Variants in PPP1R9A observed in about 807,000 individuals in gnomAD.
PPP1R9A encodes neurabin-1.
A neutral mutation model predicts 141.9 loss-of-function variants in PPP1R9A; 59 were observed. That is an observed-to-expected ratio of 0.42 (90% confidence interval 0.34 to 0.52). The LOEUF (loss-of-function observed/expected upper bound fraction) is 0.52, where lower values mean the gene tolerates loss of function less well. Ranked by LOEUF, PPP1R9A falls within the 20% of genes least tolerant of loss-of-function variation. The probability of loss-of-function intolerance (pLI) is 0.10; values close to 1 mark genes in which losing one functional copy is unlikely to be tolerated. For synonymous variants in PPP1R9A, 500 were observed against 569.7 expected (o/e 0.88, Z 1.74); for missense variants, 1,444 against 1,611.9 (o/e 0.90, Z 1.78).
intron 2 of PPP1R9A, among the ~76,000 whole-genome samples, chr7:94,942,155 A>G (rs953923417): frequency 1.3e-5 from 2 of 152,174 alleles, no homozygotes; most frequent in Admixed American, 1.3e-4. Flanking sequence ...TCTCAGTCAG[A>G]ATATATTTCT....
chr7:95,091,421 G>A lies in PPP1R9A; in HGVS notation c.1396-19838G>A, dbSNP rs138643873. Among the ~76,000 whole-genome samples the A allele has an allele frequency of 4.7e-3, 592 of 125,410 alleles. 21 individuals carry two copies. Among genetic ancestry groups the A allele is most frequent in the East Asian group, 0.047 (187 of 3,962 alleles). The allele number at this position is 125,410 out of a possible 152,430, so 82.3% of individuals were successfully genotyped here. On this transcript the variant is annotated intron_variant, in intron 2 of 19. Coordinates refer to ENST00000433360, the MANE Select transcript of PPP1R9A (RefSeq NM_001166160.2). The stretch of plus-strand genomic sequence containing the variant: ...TGCAGTGGCACAATCTCACCTCACC[G>A]CAACCTCTGCCTACAGAGTTCAAGT...
chr7:95,006,927 A>C (rs1803695091), intron 2 of PPP1R9A, among the ~76,000 whole-genome samples: 1 of 151,054 alleles, frequency 6.6e-6, no homozygotes, highest in Non-Finnish European at 1.5e-5. Flanking sequence ...CAATGCTGCG[A>C]TCTTGGCTCA....
chr7:95,051,046 A>G (rs1423541172), intron 2 of PPP1R9A, among the ~76,000 whole-genome samples: 3 of 151,596 alleles, frequency 2.0e-5, no homozygotes, highest in Non-Finnish European at 4.4e-5. Context: ...AGTTATCTAG[A>G]TTTTCTCCTA....
chr7:94,967,279 A>AT (rs557099816), intron 2 of PPP1R9A, among the ~76,000 whole-genome samples: 86 of 150,522 alleles, frequency 5.7e-4, no homozygotes, highest in African/African-American at 8.1e-4. Flanking sequence ...GGATTCATTG[A>AT]TTTTTTTTTG....
intron 2 of PPP1R9A, among the ~76,000 whole-genome samples, chr7:95,078,707 G>T (rs1049511657): frequency 6.6e-6 from 1 of 151,892 alleles, no homozygotes; most frequent in Non-Finnish European, 1.5e-5. Flanking sequence ...TTGTGGTTTT[G>T]ATTTGCATTT....
rs571390564 is a variant in PPP1R9A at position 95,198,284 on chromosome 7, A to C, written c.1755-65A>C. ...GACCCTGCTGAGATCAAACCTGTTT[A>C]CTTTTCTTAAAACTCCTTTTTGTTG... On this transcript the variant is annotated intron_variant, in intron 5 of 19. Coordinates refer to ENST00000433360, the MANE Select transcript of PPP1R9A (RefSeq NM_001166160.2). 2.3e-5 allele frequency: 34 copies of C among 1,460,114 alleles called. No homozygotes were observed. The African/African-American group carries it at 4.4e-4, about 19-fold the overall frequency. The allele number at this position is 1,460,114 out of a possible 1,614,324, so 90.4% of individuals were successfully genotyped here. A position where few individuals can be genotyped will look rare whatever the true frequency, so the allele number is the denominator to read the frequency against.
chr7:95,052,138 C>A (rs1810908220), intron 2 of PPP1R9A, among the ~76,000 whole-genome samples: 1 of 152,086 alleles, frequency 6.6e-6, no homozygotes, highest in Non-Finnish European at 1.5e-5. Flanking sequence ...CTGTGCCTGG[C>A]CCAGATGAAT....
chr7:95,176,011 CTCA>C (rs1832847683), intron 5 of PPP1R9A, among the ~76,000 whole-genome samples: 2 of 152,012 alleles, frequency 1.3e-5, no homozygotes, highest in African/African-American at 4.8e-5. Flanking sequence ...TGTGTAGGCT[CTCA>C]TCATGAATTT....
At chr7:95,180,313 T>A (rs1002566169) in intron 5 of PPP1R9A, among the ~76,000 whole-genome samples, 2 of 152,066 alleles carry the variant, frequency 1.3e-5, no homozygotes, top group African/African-American at 4.8e-5. Flanking sequence ...GGGATACAGA[T>A]TGGCTAGCTA....
intron 4 of PPP1R9A, among the ~76,000 whole-genome samples, chr7:95,137,232 C>A (rs1229581999): frequency 7.3e-6 from 1 of 136,286 alleles, no homozygotes; most frequent in African/African-American, 2.7e-5. Flanking sequence ...TATCCCTCCC[C>A]CCTCCCCCAA....
intron 2 of PPP1R9A, among the ~76,000 whole-genome samples, chr7:95,054,244 T>A (rs1811204469): frequency 1.3e-5 from 2 of 151,250 alleles, no homozygotes; most frequent in South Asian, 4.2e-4. Context: ...GCCTCCCGAG[T>A]AGCTGAGATT....
intron 2 of PPP1R9A, among the ~76,000 whole-genome samples, chr7:95,032,048 G>A (rs1420762586): frequency 1.3e-5 from 2 of 152,128 alleles, no homozygotes; most frequent in Non-Finnish European, 2.9e-5. Flanking sequence ...CAACCATTAT[G>A]ATATATAGCC....
intron 4 of PPP1R9A, among the ~76,000 whole-genome samples, chr7:95,127,024 G>A (rs1235284351): frequency 6.6e-6 from 1 of 151,680 alleles, no homozygotes; most frequent in East Asian, 1.9e-4. Flanking sequence ...CTCATTTTTA[G>A]TTTCTTGAAC....
chr7:95,215,239 G>A (rs1019945374), intron 7 of PPP1R9A, among the ~76,000 whole-genome samples: 22 of 150,032 alleles, frequency 1.5e-4, no homozygotes, highest in African/African-American at 5.4e-4. Flanking sequence ...TTTTGTTCTT[G>A]CAACAGTTTA....
rs1491252086 is a variant in PPP1R9A, at chr7:94,909,707, T to TA, written c.-216-191_-216-190insA. Among the ~76,000 whole-genome samples, 3 of 92,828 alleles carry TA rather than the reference T, an allele frequency of 3.2e-5. No individual in the cohort carries two copies. In the African/African-American group the frequency reaches 3.5e-4, roughly 11 times the overall value. 60.9% of individuals were successfully genotyped at this position (92,828 alleles called of 152,430 possible). On this transcript the variant is annotated intron_variant, in intron 1 of 19. Transcript: ENST00000433360. ...GGTATCTCCAAATTGTGTTTGGAAC[T>TA]TTTTTTTTTTTTTTTTTACCAAAGA...
At chr7:95,165,128 A>G (rs1409235986) in intron 5 of PPP1R9A, among the ~76,000 whole-genome samples, 5 of 152,004 alleles carry the variant, frequency 3.3e-5, no homozygotes, top group Non-Finnish European at 5.9e-5. Flanking sequence ...CTCAATTACC[A>G]TGTTTTCTAC....
chr7:95,224,438 T>C (rs770546567), intron 7 of PPP1R9A, among the ~76,000 whole-genome samples: 1 of 152,172 alleles, frequency 6.6e-6, no homozygotes, highest in African/African-American at 2.4e-5. Flanking sequence ...AAGGATGCTG[T>C]GGCAGTGTGT....
chr7:95,166,796 T>A (rs1429619021), intron 5 of PPP1R9A, among the ~76,000 whole-genome samples: 2 of 152,118 alleles, frequency 1.3e-5, no homozygotes, highest in African/African-American at 4.8e-5. Context: ...CAACAGTACA[T>A]TAAAAAGATA....
chr7:95,252,456 C>A (rs1265978968), intron 12 of PPP1R9A, among the ~76,000 whole-genome samples: 2 of 147,210 alleles, frequency 1.4e-5, no homozygotes, highest in East Asian at 2.0e-4. Context: ...GTGTTAATGA[C>A]TAAGGTTTAG....
Sources: gnomAD v4.1 joint callset for allele counts (sites outside exome capture counted in the v4.1 genomes callset) on GRCh38, gnomAD v4.1.1 for gene constraint, MANE v1.5 for transcripts, NCBI Gene and HGNC (gene_info 2026-07-23, HGNC 2026-07-21) for gene names.